KIAA1549: variants seen among roughly 807,000 people sequenced by gnomAD.
KIAA1549 encodes KIAA1549.
A neutral mutation model predicts 156.4 loss-of-function variants in KIAA1549; 70 were observed. That is an observed-to-expected ratio of 0.45 (90% CI 0.37 to 0.55). The LOEUF (loss-of-function observed/expected upper bound fraction) is 0.55. Among genes scored for constraint, KIAA1549 ranks in the 20% least tolerant of loss-of-function variants. KIAA1549 has a pLI of 0.00. For missense variants in KIAA1549, 2,428 were observed against 2,540.9 expected, an observed-to-expected ratio of 0.96 and a Z score of 0.96; for synonymous variants, 1,103 against 1,066.4, an observed-to-expected ratio of 1.03 and a Z score of -0.67.
Position 138,911,307 on chromosome 7 carries a change from G to C in KIAA1549, c.2984C>G (p.Thr995Ser). The C allele has an allele frequency of 1.3e-6, 2 of 1,594,656 alleles. No homozygotes were observed. Among genetic ancestry groups the C allele is most frequent in the Non-Finnish European group, 1.7e-6 (2 of 1,169,358 alleles). The change falls in exon 4 of 20, where the codon ACT becomes AGT. Residue 995 changes from threonine to serine, a missense_variant. Thr to Ser is a moderately conservative substitution (Grantham distance 58). Transcript: ENST00000422774. Reference sequence around the variant, plus strand: ...GGATGTTACCAGAAAAGTGAAGTCAGTAAATAGTTCGTAAACCTAGGGAAA... The same window carrying C: ...GGATGTTACCAGAAAAGTGAAGTCACTAAATAGTTCGTAAACCTAGGGAAA... ...AVELKVYELF[T>S]DFTFLVTSGP...
At chr7:138,959,859 G>A (rs546775274) in intron 1 of KIAA1549, among the ~76,000 whole-genome samples, 2 of 152,316 alleles carry the variant, frequency 1.3e-5, no homozygotes, top group African/African-American at 4.8e-5. Flanking sequence ...TTTAAACAGT[G>A]CTCTCAAGGA....
chr7:138,927,569 C>T (rs1324579946), intron 1 of KIAA1549, among the ~76,000 whole-genome samples: 1 of 152,220 alleles, frequency 6.6e-6, no homozygotes, highest in African/African-American at 2.4e-5. Flanking sequence ...ACCTGGGAGG[C>T]AGAAGTTGCA....
intron 5 of KIAA1549, among the ~76,000 whole-genome samples, chr7:138,907,536 C>T (rs1337205865): frequency 2.0e-5 from 3 of 152,186 alleles, no homozygotes; most frequent in Non-Finnish European, 2.9e-5. Context: ...CCAAGGGCCA[C>T]GCTCTCCAAG....
rs77318067 is a variant in KIAA1549 at position 138,968,426 on chromosome 7, T to G, written c.187+12657A>C. 6.8e-3 allele frequency among the ~76,000 whole-genome samples: 1,043 copies of G among 152,336 alleles called. 11 individuals carry two copies. The highest frequency in any genetic ancestry group is 0.024 in the African/African-American group (996 of 41,572). ...TTGTATTAATATTAAACAGAAATTTTTATTTAAAGGCAATTCATTGCAGCA... is the reference window on the plus strand; with the variant it reads ...TTGTATTAATATTAAACAGAAATTTGTATTTAAAGGCAATTCATTGCAGCA... On this transcript the variant is annotated intron_variant, in intron 1 of 19. Coordinates refer to ENST00000422774, the MANE Select transcript of KIAA1549 (RefSeq NM_001164665.2).
chr7:138,919,581 C>G (rs1734307439), intron 1 of KIAA1549, 143 bp from the exon 2 acceptor site: 3 of 1,379,874 alleles, frequency 2.2e-6, no homozygotes, highest in Non-Finnish European at 1.9e-6. Flanking sequence ...AGTTAAACAG[C>G]TAGCTGGAAA....
chr7:138,933,787 G>A (rs896359853), intron 1 of KIAA1549, among the ~76,000 whole-genome samples: 7 of 152,136 alleles, frequency 4.6e-5, no homozygotes, highest in African/African-American at 1.2e-4. Flanking sequence ...CCAACATGGC[G>A]AAAAACCATC....
At chr7:138,876,711 A>C (rs1811094644) in intron 12 of KIAA1549, among the ~76,000 whole-genome samples, 1 of 152,218 alleles carries the variant, frequency 6.6e-6, no homozygotes, top group African/African-American at 2.4e-5. Context: ...CAGCAATGGC[A>C]GCCCATCTCC....
At chr7:138,841,734 T>C (rs1039298571) in intron 18 of KIAA1549, among the ~76,000 whole-genome samples, 3 of 152,146 alleles carry the variant, frequency 2.0e-5, no homozygotes, top group African/African-American at 4.8e-5. Flanking sequence ...ATTCTCTCAA[T>C]TCTTTATTTT....
intron 1 of KIAA1549, among the ~76,000 whole-genome samples, chr7:138,956,683 T>C (rs777831004): frequency 9.8e-5 from 15 of 152,328 alleles, no homozygotes; most frequent in Non-Finnish European, 1.0e-4. Flanking sequence ...TGTGAGTCCA[T>C]TAAACCTCTT....
chr7:138,951,057 T>A (rs1813483019), intron 1 of KIAA1549, among the ~76,000 whole-genome samples: 1 of 152,010 alleles, frequency 6.6e-6, no homozygotes, highest in Non-Finnish European at 1.5e-5. Context: ...CTCTTCTGGT[T>A]TTTTTGTTTT....
intron 17 of KIAA1549, among the ~76,000 whole-genome samples, chr7:138,846,243 G>C (rs1810068159): frequency 6.6e-6 from 1 of 152,046 alleles, no homozygotes; most frequent in Admixed American, 6.5e-5. Context: ...TGCTAAAGAC[G>C]AGCAGTTTTG....
chr7:138,930,281 C>T (rs552569159), intron 1 of KIAA1549, among the ~76,000 whole-genome samples: 1 of 152,282 alleles, frequency 6.6e-6, no homozygotes, highest in East Asian at 1.9e-4. Context: ...GCCAACTTAC[C>T]ATAATTCTTA....
In KIAA1549 at chr7:138,918,433, G is replaced by A. The variant is rs746957949; in HGVS notation, c.1193C>T (p.Ala398Val). ...AGTGTTGTCCACAGGACCGGGGAGGGCTGAATTGCTATGCAATTCGGATGT... is the reference window on the plus strand; with the variant it reads ...AGTGTTGTCCACAGGACCGGGGAGGACTGAATTGCTATGCAATTCGGATGT... The part of the protein sequence containing the change: ...SKTSELHSNS[A>V]LPGPVDNTHI... Residue 398 changes from alanine to valine, a missense_variant, in exon 2 of 20, where the codon GCC becomes GTC. By Grantham distance (64) the Ala-to-Val change is moderately conservative (BLOSUM62 0). This residue lies in a region of KIAA1549 where 893 missense variants were observed against 847.9 expected (regional missense o/e 1.05). Transcript: ENST00000422774. This position sits in a 1 kb window ranked among gnomAD's most constrained non-coding sequence, Gnocchi z 4.2. The A allele has an allele frequency of 7.4e-6, 12 of 1,613,852 alleles. No homozygotes were observed. Among genetic ancestry groups the A allele is most frequent in the Non-Finnish European group, 1.0e-5 (12 of 1,179,882 alleles).
intron 1 of KIAA1549, among the ~76,000 whole-genome samples, chr7:138,938,443 CCT>C (rs56737178): frequency 0.07 from 10,670 of 152,218 alleles, 438 homozygotes; most frequent in East Asian, 0.13. Context: ...TCCCAAACCC[CCT>C]GTTCTGCCTG....
chr7:138,934,842 A>T (rs905415985), intron 1 of KIAA1549, among the ~76,000 whole-genome samples: 4 of 152,240 alleles, frequency 2.6e-5, no homozygotes, highest in Admixed American at 2.6e-4. Context: ...ATGAATGGCC[A>T]TGATACCGGC....
chr7:138,860,326 A>T (rs1810536131), intron 16 of KIAA1549, among the ~76,000 whole-genome samples: 1 of 152,176 alleles, frequency 6.6e-6, no homozygotes, highest in African/African-American at 2.4e-5. Flanking sequence ...GAAGGCTCTT[A>T]CTTTGAAAAT....
chr7:138,902,743 ATGT>A (rs949549775), intron 8 of KIAA1549, among the ~76,000 whole-genome samples: 4 of 152,070 alleles, frequency 2.6e-5, no homozygotes, highest in African/African-American at 9.7e-5. Context: ...TGGGAGGCAG[ATGT>A]TGTAGTGAGC....
In KIAA1549 at chr7:138,898,955, G is replaced by C. The variant is rs1447857490; in HGVS notation, c.3847C>G (p.Pro1283Ala). The change falls in exon 9 of 20, where the codon CCT becomes GCT. Residue 1283 changes from proline to alanine, a missense_variant and splice_region_variant. By Grantham distance (27) the Pro-to-Ala change is conservative (BLOSUM62 -1). This residue lies in a region of KIAA1549 where 762 missense variants were observed against 901.6 expected (regional missense o/e 0.85). Coordinates refer to ENST00000422774, the MANE Select transcript of KIAA1549 (RefSeq NM_001164665.2). ...GYRIQGVIAQ[P>A]VDRVKRPSPE... is the part of the protein sequence containing the mutation. ...AGACGACAACACCTCAGGCACTTAC[G>C]CTGGGCAATGACACCTTGAATTCGG... The C allele has an allele frequency of 6.2e-7, 1 of 1,613,670 alleles. No individual in the cohort carries two copies.
chr7:138,856,727 A>C (rs1348002282), intron 16 of KIAA1549, among the ~76,000 whole-genome samples: 1 of 152,158 alleles, frequency 6.6e-6, no homozygotes, highest in Non-Finnish European at 1.5e-5. Context: ...GTTACTACTC[A>C]GCCAGAACTC....
Sources: allele counts gnomAD v4.1 joint callset (sites outside exome capture counted in the v4.1 genomes callset), GRCh38; gene constraint gnomAD v4.1.1; regional missense constraint gnomAD v4.1.1; non-coding constraint Gnocchi (gnomAD v3.1); transcripts MANE v1.5; gene names NCBI Gene and HGNC (gene_info 2026-07-23, HGNC 2026-07-21).